TENM4: variants seen among roughly 807,000 people sequenced by gnomAD.
TENM4 encodes teneurin transmembrane protein 4, also known as teneurin-4.
A neutral mutation model predicts 243.3 loss-of-function variants in TENM4; 82 were observed. The ratio of observed to expected loss-of-function variants is 0.34; its 90% CI spans 0.28 to 0.40. The LOEUF (loss-of-function observed/expected upper bound fraction) is 0.40. Ranked by LOEUF, TENM4 falls within the 10% of genes least tolerant of loss-of-function variation. TENM4 has a pLI of 1.00. For missense variants in TENM4, 3,138 were observed against 3,673.3 expected (o/e 0.85, Z 3.77); for synonymous variants, 1,412 against 1,456.3 (o/e 0.97, Z 0.69).
chr11:79,012,322 C>A (rs1167113778), intron 6 of TENM4, among the ~76,000 whole-genome samples: 4 of 152,108 alleles, frequency 2.6e-5, no homozygotes, highest in Non-Finnish European at 2.9e-5. Flanking sequence ...AAGCCAAGGT[C>A]CTGAAGAAAA....
chr11:78,966,924 C>A (rs1183781997), intron 6 of TENM4, among the ~76,000 whole-genome samples: 1 of 152,118 alleles, frequency 6.6e-6, no homozygotes, highest in African/African-American at 2.4e-5. Flanking sequence ...GCACTTTTTG[C>A]ATTAAATCTA....
At chr11:79,267,249 C>T (rs1855897723) in intron 2 of TENM4, among the ~76,000 whole-genome samples, 1 of 152,198 alleles carries the variant, frequency 6.6e-6, no homozygotes, top group African/African-American at 2.4e-5. Context: ...ATCATCATCA[C>T]ATACTTGGCC....
intron 3 of TENM4, among the ~76,000 whole-genome samples, chr11:79,167,170 T>C (rs916344911): frequency 2.0e-5 from 3 of 152,250 alleles, no homozygotes; most frequent in Non-Finnish European, 4.4e-5. Context: ...ACATTTGAAC[T>C]CTTCCATACT....
Position 78,669,618 on chromosome 11 carries a change from C to A in TENM4, c.6727G>T (p.Asp2243Tyr). The A allele has an allele frequency of 6.2e-7, 1 of 1,613,934 alleles. No homozygotes were observed. ...RLTPLRYDIR[D>Y]RITRLGDVQY... Reference sequence around the variant, plus strand: ...ACGTCACCCAGCCGAGTGATGCGGTCGCGGATGTCATACCGTAGTGGTGTG... The same window carrying A: ...ACGTCACCCAGCCGAGTGATGCGGTAGCGGATGTCATACCGTAGTGGTGTG... The change falls in exon 32 of 34, where the codon GAC (aspartate) becomes TAC (tyrosine). Residue 2243 changes from aspartate to tyrosine, a missense_variant. Asp to Tyr is a radical substitution (Grantham distance 160, BLOSUM62 -3). Coordinates refer to ENST00000278550, the MANE Select transcript of TENM4 (RefSeq NM_001098816.3). The surrounding 1 kb of genome is among the most constrained non-coding windows in gnomAD (Gnocchi z 6.4).
chr11:79,029,404 T>C (rs1205887144), intron 6 of TENM4, among the ~76,000 whole-genome samples: 1 of 152,200 alleles, frequency 6.6e-6, no homozygotes, highest in Non-Finnish European at 1.5e-5. Context: ...AATTTGTTTT[T>C]CCCAGGACTG....
intron 6 of TENM4, among the ~76,000 whole-genome samples, chr11:78,927,805 C>T (rs1367268093): frequency 6.6e-6 from 1 of 152,156 alleles, no homozygotes; most frequent in African/African-American, 2.4e-5. Flanking sequence ...CTCAACCAGG[C>T]TCCACTTTCT....
At chr11:78,765,970 A>G (rs536637721) in intron 18 of TENM4, among the ~76,000 whole-genome samples, 82 of 152,376 alleles carry the variant, frequency 5.4e-4, no homozygotes, top group African/African-American at 1.8e-3. Flanking sequence ...TCTTAAATGA[A>G]AAAATAGAAT....
At chr11:78,724,675 C>A (rs1162584317) in intron 23 of TENM4, among the ~76,000 whole-genome samples, 1 of 152,212 alleles carries the variant, frequency 6.6e-6, no homozygotes, top group Non-Finnish European at 1.5e-5. Context: ...AGAATCCCTG[C>A]TATTTAGCTG....
At position 79,041,931 on chromosome 11, in the gene TENM4, G is replaced by T. The variant is rs1234552921; in HGVS notation, c.493+22807C>A. On this transcript the variant is annotated intron_variant, in intron 6 of 33. Coordinates refer to ENST00000278550, the MANE Select transcript of TENM4 (RefSeq NM_001098816.3). ...AGTAACTTGGTTCTGACCACAACGG[G>T]GGCTACAGAAGCCCAGGGAGCAGTG... Among the ~76,000 whole-genome samples, 5 of 152,180 alleles carry T rather than the reference G, an allele frequency of 3.3e-5. No individual in the cohort carries two copies. The East Asian group carries it at 9.6e-4, about 29-fold the overall frequency.
chr11:78,903,676 T>C, intron 6 of TENM4, 153 bp from the exon 7 acceptor site: 2 of 1,254,702 alleles, frequency 1.6e-6, no homozygotes, highest in Non-Finnish European at 2.2e-6. Context: ...GACAGTTGTT[T>C]ATTGAGCACC....
intron 2 of TENM4, among the ~76,000 whole-genome samples, chr11:79,254,723 A>G (rs888284103): frequency 2.6e-5 from 4 of 152,210 alleles, no homozygotes; most frequent in African/African-American, 7.2e-5. Flanking sequence ...AATGTGTTCA[A>G]TGCCACGCTG....
At chr11:78,919,249 A>G (rs1591129022) in intron 6 of TENM4, among the ~76,000 whole-genome samples, 1 of 152,294 alleles carries the variant, frequency 6.6e-6, no homozygotes, top group Middle Eastern at 3.4e-3. Context: ...TTATTATCCA[A>G]TTTCCAGTTT....
Position 78,658,729 on chromosome 11 carries a change from T to C in TENM4, c.7639A>G (p.Ile2547Val), listed in dbSNP as rs779865872. Residue 2547 changes from isoleucine to valine, a missense_variant, in exon 34 of 34, where the codon ATC becomes GTC. Physicochemically the swap from Ile to Val is conservative, Grantham distance 29. Around this residue, in one of 2 missense-constraint regions of TENM4, gnomAD observed 2,467 missense variants for 3,059.1 expected, o/e 0.81. Coordinates refer to ENST00000278550, the MANE Select transcript of TENM4 (RefSeq NM_001098816.3). ...ERFDQLYGSTITSCQQAPKTK... is the reference protein window; with the variant it reads ...ERFDQLYGSTVTSCQQAPKTK... ...TTTGGAGCCTGCTGGCAGCTGGTGA[T>C]TGTGGAGCCATAGAGCTGGTCAAAC... 4 of 1,613,996 alleles carry C rather than the reference T, an allele frequency of 2.5e-6. No individual in the cohort carries two copies. Among genetic ancestry groups the C allele is most frequent in the Admixed American group, 1.7e-5 (1 of 60,026 alleles).
At chr11:78,957,354 G>T (rs1461322844) in intron 6 of TENM4, among the ~76,000 whole-genome samples, 1 of 152,134 alleles carries the variant, frequency 6.6e-6, no homozygotes, top group Non-Finnish European at 1.5e-5. Context: ...AATTCATAGT[G>T]AAAGAAGACA....
intron 1 of TENM4, among the ~76,000 whole-genome samples, chr11:79,403,775 T>C (rs1038221687): frequency 5.9e-5 from 9 of 152,032 alleles, no homozygotes; most frequent in Non-Finnish European, 8.8e-5. Context: ...ACTTCATGCA[T>C]AGAAGCAAAG....
At chr11:79,251,088 T>C (rs1855601818) in intron 2 of TENM4, among the ~76,000 whole-genome samples, 1 of 152,160 alleles carries the variant, frequency 6.6e-6, no homozygotes, top group Admixed American at 6.5e-5. Context: ...GCTGAAGACA[T>C]AGTAGGCCAG....
rs577281695 is a variant in TENM4, at chr11:79,112,337, G to C, written c.-66+36373C>G. On this transcript the variant is annotated intron_variant, in intron 4 of 33. Coordinates refer to ENST00000278550, the MANE Select transcript of TENM4 (RefSeq NM_001098816.3). ...TGTGGTGGAGCATATGGCATGGTTG[G>C]GGGCACAGAGAGTGTAAACTGAGAA... 5.3e-5 allele frequency among the ~76,000 whole-genome samples: 8 copies of C among 152,286 alleles called. No individual in the cohort carries two copies. In the South Asian group the frequency reaches 6.2e-4, roughly 12 times the overall value.
rs376984266 is a variant in TENM4 at position 78,856,034 on chromosome 11, T to C, written c.1400A>G (p.Asn467Ser). The C allele has an allele frequency of 1.1e-4, 177 of 1,551,610 alleles. No individual in the cohort carries two copies. The highest frequency in any genetic ancestry group is 1.4e-4 in the Non-Finnish European group (160 of 1,147,008). ...FIDHPVHLKF[N>S]VSLGKAALVG... ...CAGGGCTGCCTTTCCCAGAGACACATTGAATTTCAGATGCACAGGATGGTC... is the reference window on the plus strand; with the variant it reads ...CAGGGCTGCCTTTCCCAGAGACACACTGAATTTCAGATGCACAGGATGGTC... The change falls in exon 11 of 34, where the codon AAT becomes AGT. Residue 467 changes from asparagine to serine, a missense_variant. Physicochemically the swap from Asn to Ser is conservative, Grantham distance 46 (BLOSUM62 1). Transcript: ENST00000278550.
chr11:78,736,479 T>TGTGTGTGCGCGCGCGC (rs796898751), intron 20 of TENM4, among the ~76,000 whole-genome samples: 1 of 99,334 alleles, frequency 1.0e-5, no homozygotes, highest in African/African-American at 3.0e-5. Context: ...TGTGTGTGTG[T>TGTGTGTGCGCGCGCGC]GCGCGCGCGT....
Sources: allele counts gnomAD v4.1 joint callset (sites outside exome capture counted in the v4.1 genomes callset), GRCh38; gene constraint gnomAD v4.1.1; regional missense constraint gnomAD v4.1.1; non-coding constraint Gnocchi (gnomAD v3.1); transcripts MANE v1.5; gene names NCBI Gene and HGNC (gene_info 2026-07-23, HGNC 2026-07-21).